Variants in NBAS observed in about 807,000 individuals in gnomAD.
NBAS encodes the protein NBAS subunit of NRZ tethering complex, also known as NAG/BC035112 fusion.
In NBAS, 219 loss-of-function variants were observed where a neutral mutation model predicts 302.5. That is an observed-to-expected ratio of 0.72 (90% CI 0.65 to 0.81). NBAS has a LOEUF of 0.81. NBAS is among the 30% of genes least tolerant of loss of function. The pLI, the probability that NBAS is intolerant of heterozygous loss-of-function variation, is 0.00. For synonymous variants in NBAS, 1,118 were observed against 1,021.6 expected (o/e 1.09, Z -1.80); for missense variants, 2,932 against 2,841.6 (o/e 1.03, Z -0.72).
intron 9 of NBAS, among the ~76,000 whole-genome samples, chr2:15,512,813 A>AG (rs1491530806): frequency 6.6e-6 from 1 of 152,204 alleles, no homozygotes; most frequent in Non-Finnish European, 1.5e-5. Context: ...GACCCATTTC[A>AG]GACTTCTGAG....
intron 51 of NBAS, among the ~76,000 whole-genome samples, chr2:15,175,074 C>A (rs1264579476): frequency 2.0e-5 from 3 of 152,146 alleles, no homozygotes; most frequent in Non-Finnish European, 4.4e-5. Flanking sequence ...CCACACCATT[C>A]TCCTGCCTCA....
chr2:15,085,087 C>T, the NBAS span, among the ~76,000 whole-genome samples: 1 of 152,158 alleles, frequency 6.6e-6, no homozygotes, highest in South Asian at 2.1e-4. Flanking sequence ...AGTAGCCCGT[C>T]GGTGAGGAAG....
intron 51 of NBAS, among the ~76,000 whole-genome samples, chr2:15,171,136 G>A (rs188325978): frequency 6.6e-6 from 1 of 151,990 alleles, no homozygotes; most frequent in Non-Finnish European, 1.5e-5. Flanking sequence ...TTCTTTTTAA[G>A]ATAAAAATAA....
chr2:15,547,952 T>C (rs1346794833), intron 6 of NBAS, among the ~76,000 whole-genome samples: 1 of 152,158 alleles, frequency 6.6e-6, no homozygotes, highest in Admixed American at 6.5e-5. Context: ...TATCCACCCT[T>C]ATTGCTCTAT....
chr2:14,856,685 T>C, the NBAS span, among the ~76,000 whole-genome samples: 4 of 151,668 alleles, frequency 2.6e-5, no homozygotes, highest in Non-Finnish European at 5.9e-5. Context: ...AAGAGTTCTT[T>C]ACTAACAGTA....
At chr2:14,845,116 G>A in the NBAS span, among the ~76,000 whole-genome samples, 47 of 152,306 alleles carry the variant, frequency 3.1e-4, no homozygotes, top group African/African-American at 1.1e-3. Context: ...TGCTCTGCTG[G>A]CTTTAGGTCT....
At chr2:15,540,548 T>G (rs1236539152) in intron 6 of NBAS, among the ~76,000 whole-genome samples, 2 of 152,012 alleles carry the variant, frequency 1.3e-5, no homozygotes, top group African/African-American at 2.4e-5. Flanking sequence ...AGGTTCTCCA[T>G]TTCCAACAGA....
intron 47 of NBAS, among the ~76,000 whole-genome samples, chr2:15,231,166 A>T (rs569968689): frequency 1.3e-4 from 20 of 152,334 alleles, no homozygotes; most frequent in African/African-American, 4.8e-4. Context: ...GCACAGAGTA[A>T]ACCCCATGAA....
chr2:15,042,299 T>A, the NBAS span, among the ~76,000 whole-genome samples: 10 of 152,222 alleles, frequency 6.6e-5, no homozygotes, highest in Non-Finnish European at 1.3e-4. Flanking sequence ...GACAACGTCA[T>A]GTGCTGGCTT....
the NBAS span, among the ~76,000 whole-genome samples, chr2:14,800,165 T>C: frequency 1.3e-5 from 2 of 152,216 alleles, no homozygotes; most frequent in African/African-American, 4.8e-5. Flanking sequence ...AATTAAATAT[T>C]TTTTGATTCC....
intron 32 of NBAS, among the ~76,000 whole-genome samples, chr2:15,361,629 A>G (rs534981402): frequency 6.6e-6 from 1 of 152,350 alleles, no homozygotes. Context: ...TAGGCTAAAA[A>G]GGACAAAAAT....
intron 9 of NBAS, among the ~76,000 whole-genome samples, chr2:15,518,835 CAA>C (rs924352856): frequency 1.2e-4 from 18 of 152,196 alleles, no homozygotes; most frequent in African/African-American, 4.3e-4. Flanking sequence ...TGGCAGCAGG[CAA>C]AGAGAGCTTG....
the NBAS span, among the ~76,000 whole-genome samples, chr2:14,936,906 A>G: frequency 6.6e-6 from 1 of 152,156 alleles, no homozygotes. Flanking sequence ...GCTGGGGAGG[A>G]GACTACCTTT....
At chr2:15,446,052 C>T (rs1283616771) in intron 21 of NBAS, among the ~76,000 whole-genome samples, 1 of 150,594 alleles carries the variant, frequency 6.6e-6, no homozygotes, top group Non-Finnish European at 1.5e-5. Context: ...AAGATATGAT[C>T]ACATGGTCAA....
At chr2:15,052,625 C>T in the NBAS span, among the ~76,000 whole-genome samples, 11 of 152,220 alleles carry the variant, frequency 7.2e-5, no homozygotes, top group Admixed American at 6.5e-5. Flanking sequence ...CGACTCATGA[C>T]ACTATAAAGC....
chr2:15,325,624 C>T (rs2148216892), intron 38 of NBAS, among the ~76,000 whole-genome samples: 1 of 152,318 alleles, frequency 6.6e-6, no homozygotes, highest in Middle Eastern at 3.4e-3. Context: ...CTGGATTACA[C>T]TTTGGCTTAA....
At chr2:15,053,060 G>T in the NBAS span, among the ~76,000 whole-genome samples, 75,125 of 152,028 alleles carry the variant, frequency 0.49, 20,860 homozygotes, top group African/African-American at 0.77. Context: ...TTACATTCCT[G>T]TGCATGCATT....
chr2:14,919,761 G>A, the NBAS span, among the ~76,000 whole-genome samples: 4 of 152,200 alleles, frequency 2.6e-5, no homozygotes, highest in Middle Eastern at 3.4e-3. Flanking sequence ...AACCCCTCAC[G>A]TACTCAAGTT....
In NBAS at chr2:15,328,269, T is replaced by A. The variant is rs375302458; in HGVS notation, c.4391A>T (p.Asn1464Ile). ...GGAYQIGTTA[N>I]EDLEKQGCHP... ...ACACCCTTGTTTCTCTAGATCTTCATTGGCTGTAGTTCCGATTTGATATGC... is the reference window on the plus strand; with the variant it reads ...ACACCCTTGTTTCTCTAGATCTTCAATGGCTGTAGTTCCGATTTGATATGC... Residue 1464 changes from asparagine (N) to isoleucine (I), a missense_variant, in exon 37 of 52, where the codon AAT (asparagine) becomes ATT (isoleucine). Coordinates refer to ENST00000281513, the MANE Select transcript of NBAS (RefSeq NM_015909.4). 6 of 1,613,968 alleles carry A rather than the reference T, an allele frequency of 3.7e-6. No individual in the cohort carries two copies. In the South Asian group the frequency reaches 5.5e-5, roughly 15 times the overall value.
Sources: allele counts gnomAD v4.1 joint callset (sites outside exome capture counted in the v4.1 genomes callset), GRCh38; gene constraint gnomAD v4.1.1; transcripts MANE v1.5; gene names NCBI Gene and HGNC (gene_info 2026-07-23, HGNC 2026-07-21).